UPK1B: variants seen among roughly 807,000 people sequenced by gnomAD.
UPK1B encodes the protein uroplakin-1b.
A neutral mutation model predicts 34.2 loss-of-function variants in UPK1B; 28 were observed. The observed-to-expected ratio is 0.82, with a 90% CI of 0.61 to 1.12. The LOEUF (loss-of-function observed/expected upper bound fraction) is 1.12, where lower values mean the gene tolerates loss of function less well. UPK1B is among the 50% of genes most tolerant of loss of function. The pLI, the probability that UPK1B is intolerant of heterozygous loss-of-function variation, is 0.00. For missense variants in UPK1B, 325 were observed against 320.9 expected, an observed-to-expected ratio of 1.01 and a Z score of -0.10; for synonymous variants, 81 against 110.4, an observed-to-expected ratio of 0.73 and a Z score of 1.67.
intron 5 of UPK1B, among the ~76,000 whole-genome samples, chr3:119,191,519 T>C (rs2078044166): frequency 6.6e-6 from 1 of 152,098 alleles, no homozygotes; most frequent in African/African-American, 2.4e-5. Context: ...ATATCCATCA[T>C]CACCCCCACA....
Position 119,203,933 on chromosome 3 carries a change from G to A in UPK1B, c.749G>A (p.Gly250Asp), listed in dbSNP as rs780115448. 8 of 1,613,744 alleles carry A rather than the reference G, an allele frequency of 5.0e-6. No homozygotes were observed. The highest frequency in any genetic ancestry group is 6.8e-6 in the Non-Finnish European group (8 of 1,179,998). The change falls in exon 8 of 8, where the codon GGT (glycine) becomes GAT (aspartate). Residue 250 changes from glycine (G) to aspartate (D), a missense_variant. Transcript: ENST00000264234. Reference sequence around the variant, plus strand: ...CTATTCCAGTTTTGGGTTCTCCTGGGTACCATGTTCTACTGGAGCAGAATT... The same window carrying A: ...CTATTCCAGTTTTGGGTTCTCCTGGATACCATGTTCTACTGGAGCAGAATT... Reference protein sequence around the residue: ...ILCWTFWVLLGTMFYWSRIEY With the variant: ...ILCWTFWVLLDTMFYWSRIEY
At chr3:119,200,003 A>G (rs1288099259) in intron 7 of UPK1B, among the ~76,000 whole-genome samples, 2 of 152,236 alleles carry the variant, frequency 1.3e-5, no homozygotes, top group East Asian at 3.8e-4. Context: ...ATTTTATAAT[A>G]GTGACTTTTT....
chr3:119,199,879 A>G lies in UPK1B; in HGVS notation c.732+739A>G, dbSNP rs186168585. Among the ~76,000 whole-genome samples the G allele has an allele frequency of 7.4e-4, 112 of 152,338 alleles. 1 individual carries two copies. The highest frequency in any genetic ancestry group is 1.9e-3 in the African/African-American group (77 of 41,572). ...CAGAAAGCTTTTCTCTATGTGGCCTATATCTATTGGCATTTACCCCATTGG... is the reference window on the plus strand; with the variant it reads ...CAGAAAGCTTTTCTCTATGTGGCCTGTATCTATTGGCATTTACCCCATTGG... On this transcript the variant is annotated intron_variant, in intron 7 of 7. Transcript: ENST00000264234.
chr3:119,185,497 T>C (rs2078013867), intron 1 of UPK1B, among the ~76,000 whole-genome samples: 1 of 142,156 alleles, frequency 7.0e-6, no homozygotes, highest in Non-Finnish European at 1.5e-5. Flanking sequence ...CTCCCACACA[T>C]ATCCACCTCT....
chr3:119,203,359 A>C (rs1296592329), intron 7 of UPK1B, among the ~76,000 whole-genome samples: 1 of 151,320 alleles, frequency 6.6e-6, no homozygotes, highest in African/African-American at 2.4e-5. Context: ...AAAAAAAAAA[A>C]AAAAAAAAAT....
chr3:119,174,355 C>T (rs62273510), intron 1 of UPK1B, among the ~76,000 whole-genome samples: 2,524 of 152,302 alleles, frequency 0.017, 36 homozygotes, highest in Non-Finnish European at 0.023. Flanking sequence ...CATTTTCACA[C>T]AAAATACAAA....
Position 119,204,928 on chromosome 3 carries a change from A to G in UPK1B, c.*961A>G, listed in dbSNP as rs576480324. 3 of 152,322 alleles carry G rather than the reference A, an allele frequency of 2.0e-5. No homozygotes were observed. Among genetic ancestry groups the G allele is most frequent in the East Asian group, 3.9e-4 (2 of 5,184 alleles). 9.4% of individuals were successfully genotyped at this position (152,322 alleles called of 1,614,324 possible). A position where few individuals can be genotyped will look rare whatever the true frequency, so the allele number is the denominator to read the frequency against. On this transcript the variant is annotated 3_prime_UTR_variant, in exon 8 of 8. Transcript: ENST00000264234. Reference sequence around the variant, plus strand: ...TGGGGACAGACAAGGTGCCTGTTATATATTTACTCAGTCTTTGCCCTGAAT... The same window carrying G: ...TGGGGACAGACAAGGTGCCTGTTATGTATTTACTCAGTCTTTGCCCTGAAT...
rs1006895864 is a variant in UPK1B, at chr3:119,177,852, T to C, written c.-29+4214T>C. ...AGAGGCTAGTATGGAAGAAAAGCCA[T>C]AAACACATATCCACAATGGTTTCAG... On this transcript the variant is annotated intron_variant, in intron 1 of 7. Coordinates refer to ENST00000264234, the MANE Select transcript of UPK1B (RefSeq NM_006952.4). 3.3e-5 allele frequency among the ~76,000 whole-genome samples: 5 copies of C among 152,320 alleles called. 1 individual carries two copies. Among genetic ancestry groups the C allele is most frequent in the East Asian group, 3.8e-4 (2 of 5,196 alleles).
rs1340162072 is a variant in UPK1B at position 119,187,794 on chromosome 3, C to G, written c.89C>G (p.Thr30Ser). The G allele has an allele frequency of 1.9e-6, 3 of 1,613,718 alleles. No individual in the cohort carries two copies. The highest frequency in any genetic ancestry group is 2.5e-6 in the Non-Finnish European group (3 of 1,179,902). Residue 30 changes from threonine to serine, a missense_variant, in exon 3 of 8, where the codon ACT (threonine) becomes AGT (serine). By Grantham distance (58) the Thr-to-Ser change is moderately conservative. Transcript: ENST00000264234. ...CCCCAGTGTTGCGGCATTGCCCTGA[C>G]TGCGGAGTGCATCTTCTTTGTATCT... ...VIIGCCGIAL[T>S]AECIFFVSDQ...
intron 6 of UPK1B, among the ~76,000 whole-genome samples, chr3:119,198,291 G>A (rs926248706): frequency 6.6e-6 from 1 of 152,218 alleles, no homozygotes; most frequent in Non-Finnish European, 1.5e-5. Flanking sequence ...CATGGAACCA[G>A]CCCTGGTTAT....
In UPK1B at chr3:119,187,806, T is replaced by C; in HGVS notation, c.101T>C (p.Ile34Thr). The change falls in exon 3 of 8, where the codon ATC (isoleucine) becomes ACC (threonine). Residue 34 changes from isoleucine (I) to threonine (T), a missense_variant. Ile to Thr is a moderately conservative substitution (Grantham distance 89). Coordinates refer to ENST00000264234, the MANE Select transcript of UPK1B (RefSeq NM_006952.4). ...GGCATTGCCCTGACTGCGGAGTGCA[T>C]CTTCTTTGTATCTGACCAACACAGC... ...CCGIALTAECIFFVSDQHSLY... is the reference protein window; with the variant it reads ...CCGIALTAECTFFVSDQHSLY... 1 of 1,613,030 alleles carries C rather than the reference T, an allele frequency of 6.2e-7. No homozygotes were observed. Among genetic ancestry groups the C allele is most frequent in the Non-Finnish European group, 8.5e-7 (1 of 1,179,782 alleles).
Position 119,204,529 on chromosome 3 carries a change from C to T in UPK1B, c.*562C>T, listed in dbSNP as rs576343218. 6.5e-6 allele frequency: 1 copy of T among 152,892 alleles called. No individual in the cohort carries two copies. Among genetic ancestry groups the T allele is most frequent in the South Asian group, 2.1e-4 (1 of 4,858 alleles). The allele number at this position is 152,892 out of a possible 1,614,324, so 9.5% of individuals were successfully genotyped here. A position where few individuals can be genotyped will look rare whatever the true frequency, so the allele number is the denominator to read the frequency against. ...TCCAGAATAATTCTTAACAGTGGTT[C>T]AAATTTCCTTTCATACCTTGAAGTA... is the stretch of plus-strand genomic sequence containing the variant. On this transcript the variant is annotated 3_prime_UTR_variant, in exon 8 of 8. Transcript: ENST00000264234.
Position 119,174,684 on chromosome 3 carries a change from A to C in UPK1B, c.-29+1046A>C, listed in dbSNP as rs533907075. ...ACATTTCTTGCCTGAGTTGCTAAGC[A>C]CAACAGGAAAGAACTCATTAGGTTT... On this transcript the variant is annotated intron_variant, in intron 1 of 7. Transcript: ENST00000264234. Among the ~76,000 whole-genome samples, 5 of 152,354 alleles carry C rather than the reference A, an allele frequency of 3.3e-5. No homozygotes were observed. In the East Asian group the frequency reaches 5.8e-4, roughly 18 times the overall value.
At chr3:119,181,499 T>C (rs994458678) in intron 1 of UPK1B, among the ~76,000 whole-genome samples, 2 of 152,184 alleles carry the variant, frequency 1.3e-5, no homozygotes, top group Non-Finnish European at 2.9e-5. Context: ...AGTATTACTA[T>C]ACTCATTTGA....
chr3:119,192,827 A>G (rs2078050196), intron 5 of UPK1B, among the ~76,000 whole-genome samples: 1 of 152,134 alleles, frequency 6.6e-6, no homozygotes, highest in Admixed American at 6.5e-5. Flanking sequence ...CTACATGGAC[A>G]CCTTAAATTG....
chr3:119,182,271 G>C (rs75274627), intron 1 of UPK1B, among the ~76,000 whole-genome samples: 7,404 of 152,276 alleles, frequency 0.049, 239 homozygotes, highest in Non-Finnish European at 0.052. Flanking sequence ...CAGAGGGAAG[G>C]TGGAAGGAAG....
rs191580358 is a variant in UPK1B at position 119,179,541 on chromosome 3, G to T, written c.-29+5903G>T. On this transcript the variant is annotated intron_variant, in intron 1 of 7. Transcript: ENST00000264234. ...TTTTTTTTTTTTGAGACGGAGTCTC[G>T]CTCTGTCGCCCAGGCTGGAGTTCAG... is the stretch of plus-strand genomic sequence containing the variant. Among the ~76,000 whole-genome samples, 503 of 78,440 alleles carry T rather than the reference G, an allele frequency of 6.4e-3. 2 individuals are homozygous for T. The highest frequency in any genetic ancestry group is 0.025 in the African/African-American group (489 of 19,882). 51.5% of individuals were successfully genotyped at this position (78,440 alleles called of 152,430 possible). A position where few individuals can be genotyped will look rare whatever the true frequency, so the allele number is the denominator to read the frequency against.
At chr3:119,179,226 C>T (rs1303917694) in intron 1 of UPK1B, among the ~76,000 whole-genome samples, 1 of 150,458 alleles carries the variant, frequency 6.6e-6, no homozygotes, top group Non-Finnish European at 1.5e-5. Context: ...ACTTGGGAGG[C>T]TGAAGCAGGA....
chr3:119,196,918 A>G (rs1370556262), intron 6 of UPK1B, among the ~76,000 whole-genome samples: 2 of 152,026 alleles, frequency 1.3e-5, no homozygotes, highest in Admixed American at 6.5e-5. Flanking sequence ...ATCACAGCTT[A>G]TTGCAGCCTC....
Sources: allele counts gnomAD v4.1 joint callset (sites outside exome capture counted in the v4.1 genomes callset), GRCh38; gene constraint gnomAD v4.1.1; transcripts MANE v1.5; gene names NCBI Gene and HGNC (gene_info 2026-07-23, HGNC 2026-07-21).